The following ESRRG variants were observed in gnomAD, a reference collection of about 807,000 sequenced individuals.
ESRRG encodes estrogen related receptor gamma.
ESRRG carries 13 observed loss-of-function variants against 44.0 expected under a neutral mutation model. The observed-to-expected ratio is 0.30, with a 90% confidence interval of 0.19 to 0.47. The LOEUF is 0.47. Ranked by LOEUF, ESRRG falls within the 20% of genes least tolerant of loss-of-function variation. ESRRG has a pLI of 1.00. For synonymous variants in ESRRG, 215 were observed against 214.6 expected (o/e 1.00, Z -0.02); for missense variants, 395 against 580.6 (o/e 0.68, Z 3.29).
intron 5 of ESRRG, among the ~76,000 whole-genome samples, chr1:216,526,023 T>G (rs1047725393): frequency 1.3e-5 from 2 of 152,180 alleles, no homozygotes; most frequent in African/African-American, 4.8e-5. Flanking sequence ...TGGAGAAAGC[T>G]GACAGATATC....
At chr1:216,600,520 T>C (rs1478389745) in intron 3 of ESRRG, among the ~76,000 whole-genome samples, 4 of 152,216 alleles carry the variant, frequency 2.6e-5, no homozygotes, top group Admixed American at 2.0e-4. Context: ...TTTTGTTTTG[T>C]TTTGTTTTTT....
intron 1 of ESRRG, among the ~76,000 whole-genome samples, chr1:216,704,803 C>A (rs574950516): frequency 6.6e-6 from 1 of 151,876 alleles, no homozygotes; most frequent in Admixed American, 6.6e-5. Flanking sequence ...AAACCCCCTA[C>A]CCACAGCCCA....
chr1:217,058,756 G>C (rs2087692342), intron 1 of ESRRG, among the ~76,000 whole-genome samples: 1 of 151,618 alleles, frequency 6.6e-6, no homozygotes, highest in African/African-American at 2.4e-5. Flanking sequence ...GTCCTTGAGG[G>C]TCCAGATATT....
intron 3 of ESRRG, among the ~76,000 whole-genome samples, chr1:216,645,913 T>C (rs2067471203): frequency 6.6e-6 from 1 of 151,384 alleles, no homozygotes; most frequent in Non-Finnish European, 1.5e-5. Flanking sequence ...AAAATTTACT[T>C]ATGAAGTTAA....
chr1:216,714,611 C>T (rs949352531), intron 1 of ESRRG: 3 of 952,874 alleles, frequency 3.1e-6, no homozygotes, highest in African/African-American at 3.5e-5. Flanking sequence ...CTCATAAATG[C>T]TCTAGACATT....
At chr1:216,958,420 G>A (rs1031953697) in intron 1 of ESRRG, among the ~76,000 whole-genome samples, 3 of 152,128 alleles carry the variant, frequency 2.0e-5, no homozygotes, top group Non-Finnish European at 4.4e-5. Context: ...CTACATACTT[G>A]TAAGCATTTG....
intron 1 of ESRRG, among the ~76,000 whole-genome samples, chr1:217,056,294 C>T (rs1203044407): frequency 6.6e-6 from 1 of 152,016 alleles, no homozygotes; most frequent in East Asian, 1.9e-4. Context: ...TCTACTTTGG[C>T]CAATACACTC....
intron 2 of ESRRG, among the ~76,000 whole-genome samples, chr1:216,664,542 C>T (rs1055910809): frequency 3.3e-5 from 5 of 150,830 alleles, no homozygotes; most frequent in Admixed American, 3.3e-4. Context: ...CAGCTATGTA[C>T]ATTATCCATA....
At chr1:216,538,759 G>A (rs557732215) in intron 5 of ESRRG, among the ~76,000 whole-genome samples, 76 of 152,104 alleles carry the variant, frequency 5.0e-4, no homozygotes, top group Non-Finnish European at 7.4e-4. Flanking sequence ...CCAATTAACA[G>A]CAATTGTTTC....
chr1:216,958,528 A>G (rs1025048295), intron 1 of ESRRG, among the ~76,000 whole-genome samples: 2 of 152,270 alleles, frequency 1.3e-5, no homozygotes, highest in South Asian at 2.1e-4. Flanking sequence ...GATGATTGTG[A>G]ATATATTTCC....
rs140456193 is a variant in ESRRG at position 216,809,510 on chromosome 1, T to C, written c.-14+130072A>G. Among the ~76,000 whole-genome samples the C allele has an allele frequency of 2.3e-3, 346 of 152,294 alleles. 6 individuals carry two copies. The East Asian group carries it at 0.026, about 12-fold the overall frequency. On this transcript the variant is annotated intron_variant, in intron 2 of 7. Transcript: ENST00000359162. The stretch of plus-strand genomic sequence containing the variant: ...GAATGCTGAGTGATAGCAACATTTT[T>C]ATGCTGAATTCCAAATGCTTTCCTG...
rs558391387 is a variant in ESRRG at position 216,516,424 on chromosome 1, C to T, written c.1132+2728G>A. Among the ~76,000 whole-genome samples, 442 of 151,954 alleles carry T rather than the reference C, an allele frequency of 2.9e-3. 2 individuals carry two copies. Among genetic ancestry groups the T allele is most frequent in the African/African-American group, 0.01 (416 of 41,452 alleles). Reference sequence around the variant, plus strand: ...AAGCCATCATTAGGAAGCCAGTTGCCTGTTTTCCAAGCATAAGCACAACAT... The same window carrying T: ...AAGCCATCATTAGGAAGCCAGTTGCTTGTTTTCCAAGCATAAGCACAACAT... On this transcript the variant is annotated intron_variant, in intron 6 of 6. Coordinates refer to ENST00000408911, the MANE Select transcript of ESRRG (RefSeq NM_001438.4).
chr1:217,052,396 A>T (rs1378563674), intron 1 of ESRRG, among the ~76,000 whole-genome samples: 1 of 152,210 alleles, frequency 6.6e-6, no homozygotes, highest in African/African-American at 2.4e-5. Context: ...GGCAGGTTTC[A>T]TAGTGACTAA....
At chr1:216,656,954 C>T (rs1346206116) in intron 2 of ESRRG, among the ~76,000 whole-genome samples, 1 of 152,096 alleles carries the variant, frequency 6.6e-6, no homozygotes, top group Non-Finnish European at 1.5e-5. Context: ...TGCCTCAGTA[C>T]ACAATTACAG....
chr1:216,622,001 A>T (rs2062322227), intron 3 of ESRRG, among the ~76,000 whole-genome samples: 1 of 152,202 alleles, frequency 6.6e-6, no homozygotes, highest in African/African-American at 2.4e-5. Context: ...ACTTCCCTGC[A>T]CAAAGGCCTG....
intron 1 of ESRRG, among the ~76,000 whole-genome samples, chr1:216,984,654 C>A (rs1405453288): frequency 6.6e-6 from 1 of 152,194 alleles, no homozygotes; most frequent in Non-Finnish European, 1.5e-5. Context: ...TCTAGGCTGT[C>A]TCCATTCAAA....
intron 1 of ESRRG, among the ~76,000 whole-genome samples, chr1:216,948,340 G>A (rs1317597731): frequency 6.6e-6 from 1 of 151,586 alleles, no homozygotes; most frequent in African/African-American, 2.4e-5. Flanking sequence ...GTGGATCACT[G>A]GTGGTGCACG....
At chr1:216,612,417 A>G (rs1574088574) in intron 3 of ESRRG, among the ~76,000 whole-genome samples, 1 of 152,178 alleles carries the variant, frequency 6.6e-6, no homozygotes, top group Admixed American at 6.5e-5. Context: ...CATGAAATTT[A>G]AGTAGATTAG....
chr1:216,864,954 G>A (rs921711637), intron 2 of ESRRG: 7 of 151,834 alleles, frequency 4.6e-5, no homozygotes, highest in African/African-American at 1.5e-4. Context: ...ACACCAAAAG[G>A]GCGTGATGAT....
Sources: allele counts gnomAD v4.1 joint callset (sites outside exome capture counted in the v4.1 genomes callset), GRCh38; gene constraint gnomAD v4.1.1; transcripts MANE v1.5; gene names NCBI Gene and HGNC (gene_info 2026-07-23, HGNC 2026-07-21).